Variants in TNS3 observed in about 807,000 individuals in gnomAD.
TNS3 encodes the protein tensin-3.
TNS3 carries 45 observed loss-of-function variants against 140.9 expected under a neutral mutation model. The observed-to-expected ratio is 0.32, with a 90% CI of 0.25 to 0.41. The LOEUF (loss-of-function observed/expected upper bound fraction) is 0.41. Among genes scored for constraint, TNS3 ranks in the 10% least tolerant of loss-of-function variants. TNS3 has a pLI of 1.00. For missense variants in TNS3, 1,716 were observed against 1,906.7 expected (o/e 0.90, Z 1.86); for synonymous variants, 815 against 788.4 (o/e 1.03, Z -0.56).
At position 47,277,550 on chromosome 7, in the gene TNS3, C is replaced by A. The variant is rs914088200; in HGVS notation, c.*526G>T. 5.0e-6 allele frequency: 1 copy of A among 201,590 alleles called. No homozygotes were observed. Among genetic ancestry groups the A allele is most frequent in the Non-Finnish European group, 1.0e-5 (1 of 99,116 alleles). The allele number at this position is 201,590 out of a possible 1,614,324, so 12.5% of individuals were successfully genotyped here. A position where few individuals can be genotyped will look rare whatever the true frequency, so the allele number is the denominator to read the frequency against. ...TCCAGAAGGGCCTGACTTGCACAAA[C>A]CTTCGTCAAACATACGCCCCCTTCT... On this transcript the variant is annotated 3_prime_UTR_variant, in exon 31 of 31. Coordinates refer to ENST00000311160, the MANE Select transcript of TNS3 (RefSeq NM_022748.12).
chr7:47,429,453 C>T (rs1009033600), intron 8 of TNS3, among the ~76,000 whole-genome samples: 1 of 152,126 alleles, frequency 6.6e-6, no homozygotes, highest in East Asian at 1.9e-4. Flanking sequence ...CTGTAAGCTC[C>T]GCCTCCCGGG....
chr7:47,291,810 G>A lies in TNS3; in HGVS notation c.3928+145C>T, dbSNP rs187595672. The A allele has an allele frequency of 1.4e-3, 1,208 of 863,348 alleles. 1 individual carries two copies. Among genetic ancestry groups the A allele is most frequent in the Admixed American group, 2.4e-3 (90 of 37,624 alleles). 53.5% of individuals were successfully genotyped at this position (863,348 alleles called of 1,614,324 possible). The stretch of plus-strand genomic sequence containing the variant: ...CAACAACTGCACCCCACCCAGCTCT[G>A]TGCAAGCTTCTATAAAAGGAAACCT... On this transcript the variant is annotated intron_variant, in intron 27 of 30. Transcript: ENST00000311160.
intron 20 of TNS3, among the ~76,000 whole-genome samples, chr7:47,307,220 T>C (rs1411741666): frequency 6.6e-6 from 1 of 152,226 alleles, no homozygotes; most frequent in African/African-American, 2.4e-5. Context: ...TTAGTGTGCA[T>C]TTCCTAAAAT....
intron 10 of TNS3, among the ~76,000 whole-genome samples, chr7:47,421,074 A>G (rs1794349234): frequency 6.6e-6 from 1 of 152,148 alleles, no homozygotes; most frequent in Admixed American, 6.5e-5. Flanking sequence ...CTCAGGAGAG[A>G]TCAGCTCCCC....
chr7:47,559,568 A>T (rs539298424), intron 1 of TNS3, among the ~76,000 whole-genome samples: 1 of 152,192 alleles, frequency 6.6e-6, no homozygotes, highest in African/African-American at 2.4e-5. Flanking sequence ...GAGAATGGAG[A>T]ACAAGAGGCA....
rs570303031 is a variant in TNS3, at chr7:47,546,923, G to T, written c.-264-17776C>A. Among the ~76,000 whole-genome samples, 122 of 152,354 alleles carry T rather than the reference G, an allele frequency of 8.0e-4. 1 individual carries two copies. Among genetic ancestry groups the T allele is most frequent in the Non-Finnish European group, 1.4e-3 (98 of 68,036 alleles). On this transcript the variant is annotated intron_variant, in intron 1 of 30. Coordinates refer to ENST00000311160, the MANE Select transcript of TNS3 (RefSeq NM_022748.12). Reference sequence around the variant, plus strand: ...AATGACTAAAATGACAAAGACAGACGCCAGGTTTTAAGGTCACCCCCTTGA... The same window carrying T: ...AATGACTAAAATGACAAAGACAGACTCCAGGTTTTAAGGTCACCCCCTTGA...
intron 24 of TNS3, among the ~76,000 whole-genome samples, chr7:47,295,320 A>C (rs1202217818): frequency 6.6e-6 from 1 of 152,204 alleles, no homozygotes; most frequent in African/African-American, 2.4e-5. Flanking sequence ...CCTTGCTTTA[A>C]AACTTTACAC....
At chr7:47,511,621 C>T (rs924320075) in intron 2 of TNS3, among the ~76,000 whole-genome samples, 7 of 151,982 alleles carry the variant, frequency 4.6e-5, no homozygotes, top group Admixed American at 2.0e-4. Context: ...AGGGCAACCC[C>T]GTTCATTCTC....
intron 8 of TNS3, among the ~76,000 whole-genome samples, chr7:47,431,542 G>A (rs768756867): frequency 2.0e-5 from 3 of 152,146 alleles, no homozygotes; most frequent in Admixed American, 6.5e-5. Flanking sequence ...GCAGTGAGCC[G>A]AGATCACGCC....
At chr7:47,337,948 T>A (rs1437147512) in intron 20 of TNS3, among the ~76,000 whole-genome samples, 1 of 152,258 alleles carries the variant, frequency 6.6e-6, no homozygotes, top group Non-Finnish European at 1.5e-5. Flanking sequence ...GTGTGACATA[T>A]ATGGAATCAT....
intron 17 of TNS3, among the ~76,000 whole-genome samples, chr7:47,360,426 A>G (rs1251994035): frequency 6.6e-6 from 1 of 152,228 alleles, no homozygotes; most frequent in African/African-American, 2.4e-5. Flanking sequence ...TGCCAGTGGT[A>G]GCAAACAAAG....
intron 4 of TNS3, among the ~76,000 whole-genome samples, chr7:47,444,747 A>C (rs1192539613): frequency 1.3e-5 from 2 of 152,184 alleles, no homozygotes; most frequent in Admixed American, 6.5e-5. Flanking sequence ...CAGTAACTCC[A>C]ATGTTCAAAC....
intron 20 of TNS3, among the ~76,000 whole-genome samples, chr7:47,326,812 C>T (rs6958065): frequency 6.6e-6 from 1 of 152,196 alleles, no homozygotes; most frequent in East Asian, 1.9e-4. Flanking sequence ...CTTCCATCAG[C>T]TGGAGAGCAA....
At chr7:47,291,156 G>A (rs1785675799) in intron 27 of TNS3, among the ~76,000 whole-genome samples, 1 of 152,176 alleles carries the variant, frequency 6.6e-6, no homozygotes, top group African/African-American at 2.4e-5. Flanking sequence ...AAAAATATGA[G>A]TGGTTGCTTG....
At chr7:47,483,969 A>C (rs778948834) in intron 3 of TNS3, among the ~76,000 whole-genome samples, 28 of 152,238 alleles carry the variant, frequency 1.8e-4, no homozygotes, top group Non-Finnish European at 3.4e-4. Context: ...CACGTAATAG[A>C]AACTGCATAA....
chr7:47,440,297 G>A (rs535355211), intron 5 of TNS3, among the ~76,000 whole-genome samples: 101 of 152,188 alleles, frequency 6.6e-4, no homozygotes, highest in African/African-American at 2.3e-3. Context: ...TAATCAAAGC[G>A]GCCTTTCATC....
At chr7:47,491,845 GC>G (rs925290729) in intron 3 of TNS3, among the ~76,000 whole-genome samples, 3 of 152,128 alleles carry the variant, frequency 2.0e-5, no homozygotes, top group Non-Finnish European at 4.4e-5. Flanking sequence ...TACAGAGATG[GC>G]CCCGGGTGTA....
At chr7:47,379,948 T>C (rs1282679706) in intron 16 of TNS3, among the ~76,000 whole-genome samples, 1 of 152,042 alleles carries the variant, frequency 6.6e-6, no homozygotes, top group African/African-American at 2.4e-5. Flanking sequence ...AGAAAAAAAA[T>C]TAACAAAAGC....
intron 20 of TNS3, among the ~76,000 whole-genome samples, chr7:47,339,471 T>G (rs564421773): frequency 2.6e-5 from 4 of 152,318 alleles, no homozygotes; most frequent in South Asian, 4.1e-4. Flanking sequence ...CTTGCTTCTG[T>G]ACCTTTGTCA....
Sources: allele counts gnomAD v4.1 joint callset (sites outside exome capture counted in the v4.1 genomes callset), GRCh38; gene constraint gnomAD v4.1.1; transcripts MANE v1.5; gene names NCBI Gene and HGNC (gene_info 2026-07-23, HGNC 2026-07-21).